NRXN1: variants seen among roughly 807,000 people sequenced by gnomAD.
The protein encoded by NRXN1 is neurexin 1, also known as neurexin-1.
Under a neutral mutation model 150.9 loss-of-function variants are expected in NRXN1, and 39 were observed. The observed-to-expected ratio is 0.26, with a 90% CI of 0.20 to 0.34. NRXN1 has a LOEUF of 0.34. NRXN1 is among the 10% of genes least tolerant of loss of function. The pLI is 1.00. For synonymous variants in NRXN1, 924 were observed against 757.0 expected (o/e 1.22, Z -3.62); for missense variants, 1,815 against 1,949.9 (o/e 0.93, Z 1.30).
intron 17 of NRXN1, among the ~76,000 whole-genome samples, chr2:50,402,225 T>G (rs2082434291): frequency 6.6e-6 from 1 of 152,038 alleles, no homozygotes; most frequent in Admixed American, 6.6e-5. Flanking sequence ...CTTCATGTCT[T>G]TTTTTCCACT....
At chr2:50,220,474 A>C (rs1360198864) in intron 18 of NRXN1, among the ~76,000 whole-genome samples, 1 of 152,000 alleles carries the variant, frequency 6.6e-6, no homozygotes, top group Non-Finnish European at 1.5e-5. Flanking sequence ...TTGATATTGC[A>C]TTAGAACATT....
intron 17 of NRXN1, among the ~76,000 whole-genome samples, chr2:50,251,146 C>T (rs2067026672): frequency 1.3e-5 from 2 of 151,204 alleles, no homozygotes; most frequent in Admixed American, 6.6e-5. Flanking sequence ...GGTATTGAGC[C>T]CCACATGTGT....
At chr2:50,388,543 C>G (rs2103778138) in intron 17 of NRXN1, among the ~76,000 whole-genome samples, 1 of 152,224 alleles carries the variant, frequency 6.6e-6, no homozygotes, top group East Asian at 1.9e-4. Flanking sequence ...TCCTGACAGT[C>G]AAAACATCTT....
At chr2:50,313,784 A>G (rs930286901) in intron 17 of NRXN1, among the ~76,000 whole-genome samples, 2 of 152,132 alleles carry the variant, frequency 1.3e-5, no homozygotes, top group Non-Finnish European at 2.9e-5. Context: ...AAGAAAAAGT[A>G]TGAAGAAAGG....
intron 8 of NRXN1, among the ~76,000 whole-genome samples, chr2:50,555,112 A>G (rs914476648): frequency 7.9e-5 from 12 of 152,202 alleles, no homozygotes; most frequent in East Asian, 5.8e-4. Flanking sequence ...ACTTAAACCT[A>G]TATTATTTTT....
intron 18 of NRXN1, among the ~76,000 whole-genome samples, chr2:50,136,981 T>C (rs1706503077): frequency 6.6e-6 from 1 of 152,190 alleles, no homozygotes; most frequent in African/African-American, 2.4e-5. Flanking sequence ...GCATTTCTAA[T>C]TTGGGTTAAG....
chr2:50,265,548 C>T (rs1484098930), intron 17 of NRXN1, among the ~76,000 whole-genome samples: 1 of 152,116 alleles, frequency 6.6e-6, no homozygotes, highest in Admixed American at 6.6e-5. Flanking sequence ...GTTACTAGTT[C>T]CTGGACAGAA....
chr2:50,622,859 T>G (rs552737102), intron 6 of NRXN1, among the ~76,000 whole-genome samples: 1 of 152,248 alleles, frequency 6.6e-6, no homozygotes, highest in South Asian at 2.1e-4. Flanking sequence ...GTCCCCATTT[T>G]GGGGTTGGGA....
chr2:50,653,523 G>A (rs1340631850), intron 5 of NRXN1, among the ~76,000 whole-genome samples: 2 of 152,000 alleles, frequency 1.3e-5, no homozygotes, highest in Non-Finnish European at 2.9e-5. Flanking sequence ...ACTATGTCTA[G>A]AGAAACTTTT....
At chr2:50,729,449 G>A (rs777696883) in intron 5 of NRXN1, among the ~76,000 whole-genome samples, 4 of 152,198 alleles carry the variant, frequency 2.6e-5, no homozygotes, top group Admixed American at 6.5e-5. Flanking sequence ...ACAATCTGTA[G>A]AGCTAGGATG....
intron 18 of NRXN1, among the ~76,000 whole-genome samples, chr2:50,107,635 C>A (rs1410912549): frequency 6.7e-6 from 1 of 149,972 alleles, no homozygotes; most frequent in African/African-American, 2.4e-5. Context: ...GTTATATTCA[C>A]ACATTGTTAC....
chr2:50,053,995 G>A (rs1371693642), intron 20 of NRXN1, among the ~76,000 whole-genome samples: 1 of 152,116 alleles, frequency 6.6e-6, no homozygotes. Context: ...ATACATAGCA[G>A]CTGAAATCTA....
At chr2:50,408,082 T>C (rs1049032876) in intron 17 of NRXN1, among the ~76,000 whole-genome samples, 6 of 152,202 alleles carry the variant, frequency 3.9e-5, no homozygotes, top group Non-Finnish European at 7.3e-5. Flanking sequence ...ATAGTATCTA[T>C]ATGCCCATCT....
At chr2:50,818,468 G>T (rs145479357) in intron 5 of NRXN1, among the ~76,000 whole-genome samples, 283 of 150,738 alleles carry the variant, frequency 1.9e-3, no homozygotes, top group African/African-American at 6.6e-3. Context: ...TTTTTTTATT[G>T]TATATATCCA....
At chr2:50,686,493 T>C (rs879112329) in intron 5 of NRXN1, among the ~76,000 whole-genome samples, 2 of 152,192 alleles carry the variant, frequency 1.3e-5, no homozygotes, top group Admixed American at 1.3e-4. Context: ...GAAAATCACC[T>C]TTCTTGTTTC....
intron 17 of NRXN1, among the ~76,000 whole-genome samples, chr2:50,280,459 A>G (rs2071278629): frequency 6.6e-6 from 1 of 152,092 alleles, no homozygotes; most frequent in African/African-American, 2.4e-5. Flanking sequence ...GCCATGTGGC[A>G]TGGATCCTGA....
chr2:50,981,595 A>G (rs1696826596), intron 2 of NRXN1, among the ~76,000 whole-genome samples: 1 of 151,570 alleles, frequency 6.6e-6, no homozygotes, highest in African/African-American at 2.4e-5. Context: ...TACTTTTGTC[A>G]TACATCTATT....
chr2:50,875,208 G>C (rs142027190), intron 5 of NRXN1, among the ~76,000 whole-genome samples: 4 of 151,524 alleles, frequency 2.6e-5, no homozygotes, highest in African/African-American at 4.8e-5. Context: ...ACATTTTTTT[G>C]ACATCACTAT....
At chr2:50,058,497 T>C (rs2152637735) in intron 19 of NRXN1, among the ~76,000 whole-genome samples, 1 of 152,322 alleles carries the variant, frequency 6.6e-6, no homozygotes, top group Admixed American at 6.5e-5. Context: ...CAATTCAATA[T>C]ATACCTACTT....
Sources: allele counts gnomAD v4.1 joint callset (sites outside exome capture counted in the v4.1 genomes callset), GRCh38; gene constraint gnomAD v4.1.1; transcripts MANE v1.5; gene names NCBI Gene and HGNC (gene_info 2026-07-23, HGNC 2026-07-21).